The following L3MBTL2 variants were observed in gnomAD, a reference collection of about 807,000 sequenced individuals.
L3MBTL2 encodes the protein L3MBTL histone methyl-lysine binding protein 2.
A neutral mutation model predicts 86.4 loss-of-function variants in L3MBTL2; 49 were observed. The ratio of observed to expected loss-of-function variants is 0.57; its 90% CI spans 0.45 to 0.72. The LOEUF (loss-of-function observed/expected upper bound fraction) is 0.72, where lower values mean the gene tolerates loss of function less well. L3MBTL2 is among the 30% of genes least tolerant of loss of function. The pLI is 0.00. For missense variants in L3MBTL2, 755 were observed against 923.7 expected, an observed-to-expected ratio of 0.82 and a Z score of 2.37; for synonymous variants, 336 against 350.6, an observed-to-expected ratio of 0.96 and a Z score of 0.47.
chr22:41,228,284 C>CT (rs1408288223), intron 15 of L3MBTL2: 1 of 983,282 alleles, frequency 1.0e-6, no homozygotes, highest in Non-Finnish European at 1.2e-6. Context: ...CTCGAGACCT[C>CT]TTTGAGGGTG....
In L3MBTL2 at chr22:41,205,412, C is replaced by G. The variant is rs778899792; in HGVS notation, c.24+26C>G. On this transcript the variant is annotated intron_variant, in intron 1 of 16. Transcript: ENST00000216237. ...GTGAGAAGGCGAGGACTTAGCGTGA[C>G]TGGGAAAGGGAACTCCGAGAGCCTC... The G allele has an allele frequency of 3.7e-6, 6 of 1,613,828 alleles. No homozygotes were observed. In the South Asian group the frequency reaches 5.5e-5, roughly 15 times the overall value.
chr22:41,222,011 G>T (rs910457656), intron 8 of L3MBTL2, among the ~76,000 whole-genome samples: 2 of 152,058 alleles, frequency 1.3e-5, no homozygotes, highest in African/African-American at 2.4e-5. Context: ...CAATTCTTCT[G>T]CCTCAGCCTC....
In L3MBTL2 at chr22:41,227,125, C is replaced by T. The variant is rs2032239859; in HGVS notation, c.1624C>T (p.Leu542=). The T allele has an allele frequency of 1.2e-6, 2 of 1,613,610 alleles. No individual in the cohort carries two copies. The highest frequency in any genetic ancestry group is 3.3e-5 in the Admixed American group (2 of 60,014). ...CCATGGCTTCAAGGTGGGCATGAAG[C>T]TGGAGGCCGTGGACCTGATGGAGCC... is the stretch of plus-strand genomic sequence containing the variant. ...PNHGFKVGMK[L]EAVDLMEPRL... is the part of the protein sequence containing the mutation. The change falls in exon 14 of 17, where the codon CTG becomes TTG. Residue 542 remains leucine, a synonymous_variant. Transcript: ENST00000216237. This position sits in a 1 kb window ranked among gnomAD's most constrained non-coding sequence, Gnocchi z 6.0.
At position 41,230,642 on chromosome 22, in the gene L3MBTL2, C is replaced by CT. The variant is rs1446537793; in HGVS notation, c.*392dup. The CT allele has an allele frequency of 2.4e-5, 5 of 210,376 alleles. No individual in the cohort carries two copies. The South Asian group carries it at 3.7e-4, about 16-fold the overall frequency. 13.0% of individuals were successfully genotyped at this position (210,376 alleles called of 1,614,324 possible). A position where few individuals can be genotyped will look rare whatever the true frequency, so the allele number is the denominator to read the frequency against. On this transcript the variant is annotated 3_prime_UTR_variant, in exon 17 of 17. Coordinates refer to ENST00000216237, the MANE Select transcript of L3MBTL2 (RefSeq NM_031488.5). ...ACTGTGGAATACAAGACAGTGAACT[C>CT]TGTCTGCCTGAACGAGCCATGTAAA... is the stretch of plus-strand genomic sequence containing the variant.
Position 41,224,945 on chromosome 22 carries a change from C to A in L3MBTL2, c.1252-22C>A. ...TCCTCCTGGCCTGCCCAGGGAGTCC[C>A]CAGCTGTCCCATTCCTTTAAGGTAC... On this transcript the variant is annotated intron_variant, in intron 10 of 16. Coordinates refer to ENST00000216237, the MANE Select transcript of L3MBTL2 (RefSeq NM_031488.5). This position sits in a 1 kb window ranked among gnomAD's most constrained non-coding sequence, Gnocchi z 4.9. 1 of 1,607,008 alleles carries A rather than the reference C, an allele frequency of 6.2e-7. No homozygotes were observed. The highest frequency in any genetic ancestry group is 8.5e-7 in the Non-Finnish European group (1 of 1,174,456).
intron 2 of L3MBTL2, among the ~76,000 whole-genome samples, chr22:41,211,429 C>T (rs970495205): frequency 6.6e-6 from 1 of 151,564 alleles, no homozygotes; most frequent in Non-Finnish European, 1.5e-5. Flanking sequence ...TGGTCTTGAA[C>T]TCCCAAGCTC....
At position 41,225,123 on chromosome 22, in the gene L3MBTL2, A is replaced by G; in HGVS notation, c.1356+52A>G. On this transcript the variant is annotated intron_variant, in intron 11 of 16. Coordinates refer to ENST00000216237, the MANE Select transcript of L3MBTL2 (RefSeq NM_031488.5). The surrounding 1 kb of genome is among the most constrained non-coding windows in gnomAD (Gnocchi z 4.1). ...TCCAGATTTCTGAGCGGGGGGACCCATGTGGCCCAGAGCTCTAACCCCACT... is the reference window on the plus strand; with the variant it reads ...TCCAGATTTCTGAGCGGGGGGACCCGTGTGGCCCAGAGCTCTAACCCCACT... 6.7e-7 allele frequency: 1 copy of G among 1,482,334 alleles called. No homozygotes were observed. The highest frequency in any genetic ancestry group is 9.3e-7 in the Non-Finnish European group (1 of 1,073,740). 91.8% of individuals were successfully genotyped at this position (1,482,334 alleles called of 1,614,324 possible). A position where few individuals can be genotyped will look rare whatever the true frequency, so the allele number is the denominator to read the frequency against.
At chr22:41,221,770 A>G (rs538706247) in intron 8 of L3MBTL2, among the ~76,000 whole-genome samples, 12 of 150,452 alleles carry the variant, frequency 8.0e-5, no homozygotes, top group African/African-American at 2.9e-4. Flanking sequence ...CGCCCAGCTC[A>G]TTTTTTTGTA....
intron 8 of L3MBTL2, among the ~76,000 whole-genome samples, chr22:41,222,204 T>C (rs1367507650): frequency 1.3e-5 from 2 of 152,190 alleles, no homozygotes; most frequent in African/African-American, 4.8e-5. Flanking sequence ...TGCCCAGCCT[T>C]ACATACTTGT....
At position 41,224,202 on chromosome 22, in the gene L3MBTL2, C is replaced by T. The variant is rs1435724095; in HGVS notation, c.1125C>T (p.Ile375=). The T allele has an allele frequency of 1.2e-6, 2 of 1,613,930 alleles. No homozygotes were observed. Among genetic ancestry groups the T allele is most frequent in the Non-Finnish European group, 1.7e-6 (2 of 1,180,010 alleles). The change falls in exon 9 of 17, where the codon ATC becomes ATT. Residue 375 remains isoleucine, a synonymous_variant. Transcript: ENST00000216237. The surrounding 1 kb of genome is among the most constrained non-coding windows in gnomAD (Gnocchi z 4.9). ...DFWCHMWSPL[I]HPVGWSRRVG... ...GGTGCCACATGTGGAGCCCCCTGAT[C>T]CACCCAGTGGGTTGGTCACGACGTG...
intron 15 of L3MBTL2, chr22:41,228,587 A>G (rs1441218006): frequency 2.2e-6 from 2 of 898,190 alleles, no homozygotes; most frequent in African/African-American, 3.6e-5. Context: ...GCGGTGGCTC[A>G]CACCTGTAAT....
At chr22:41,222,929 A>G (rs1048447376) in intron 8 of L3MBTL2, among the ~76,000 whole-genome samples, 12 of 152,174 alleles carry the variant, frequency 7.9e-5, no homozygotes, top group African/African-American at 2.7e-4. Flanking sequence ...ATTTCAAAAA[A>G]AAAAACAAAA....
chr22:41,226,569 A>G, intron 12 of L3MBTL2, 93 bp from the exon 13 acceptor site: 1 of 899,498 alleles, frequency 1.1e-6, no homozygotes, highest in Non-Finnish European at 1.9e-6. Context: ...GGTCCTGACC[A>G]AGCTGCAGAG....
At chr22:41,228,461 G>C (rs142672062) in intron 15 of L3MBTL2, 2 of 985,294 alleles carry the variant, frequency 2.0e-6, no homozygotes, top group Non-Finnish European at 2.4e-6. Flanking sequence ...CTTCAGAGCC[G>C]CAGGCCTATG....
At chr22:41,207,419 C>T (rs1327050501) in intron 1 of L3MBTL2, among the ~76,000 whole-genome samples, 4 of 151,494 alleles carry the variant, frequency 2.6e-5, no homozygotes, top group Non-Finnish European at 4.4e-5. Flanking sequence ...GACAGGGTTT[C>T]CCTATGTTGC....
At chr22:41,210,132 A>T in intron 2 of L3MBTL2, 199 bp downstream of exon 2, 2 of 441,640 alleles carry the variant, frequency 4.5e-6, no homozygotes, top group East Asian at 3.8e-5. Context: ...TCCTTTGCTG[A>T]AGTCTAATTT....
chr22:41,205,316 C>G lies in L3MBTL2; in HGVS notation c.-47C>G. On this transcript the variant is annotated 5_prime_UTR_variant, in exon 1 of 17. Coordinates refer to ENST00000216237, the MANE Select transcript of L3MBTL2 (RefSeq NM_031488.5). ...TCTCGCGGAGAGCGACGGGGCAGGC[C>G]AATATGGCTTCCTGCACCTGGTGAC... 6.2e-7 allele frequency: 1 copy of G among 1,611,724 alleles called. No homozygotes were observed. The highest frequency in any genetic ancestry group is 8.5e-7 in the Non-Finnish European group (1 of 1,177,870).
intron 2 of L3MBTL2, among the ~76,000 whole-genome samples, chr22:41,210,849 T>C (rs2030711869): frequency 6.6e-6 from 1 of 152,242 alleles, no homozygotes; most frequent in Non-Finnish European, 1.5e-5. Context: ...CTGAGTAGCA[T>C]GGTGCTGCTT....
rs768491090 is a variant in L3MBTL2, at chr22:41,227,293, G to A, written c.1792G>A (p.Gly598Ser). Residue 598 changes from glycine (G) to serine (S), a missense_variant, in exon 14 of 17, where the codon GGC becomes AGC. By Grantham distance (56) the Gly-to-Ser change is moderately conservative (BLOSUM62 0). This residue lies in a region of L3MBTL2 where 634 missense variants were observed against 748.9 expected (regional missense o/e 0.85). Transcript: ENST00000216237. The surrounding 1 kb of genome is among the most constrained non-coding windows in gnomAD (Gnocchi z 6.0). ...CCCCGTCGGCTGGTGTGAGCTCACC[G>A]GCTACCAGCTCCAGCCTCCTGTGGC... ...IYPVGWCELT[G>S]YQLQPPVAAE... 6.8e-6 allele frequency: 11 copies of A among 1,608,276 alleles called. No individual in the cohort carries two copies. In the South Asian group the frequency reaches 7.8e-5, roughly 11 times the overall value.
Sources: allele counts gnomAD v4.1 joint callset (sites outside exome capture counted in the v4.1 genomes callset), GRCh38; gene constraint gnomAD v4.1.1; regional missense constraint gnomAD v4.1.1; non-coding constraint Gnocchi (gnomAD v3.1); transcripts MANE v1.5; gene names NCBI Gene and HGNC (gene_info 2026-07-23, HGNC 2026-07-21).